CDH13: variants seen among roughly 807,000 people sequenced by gnomAD.
CDH13 encodes cadherin 13, also known as cadherin-13.
Under a neutral mutation model 63.8 loss-of-function variants are expected in CDH13, and 24 were observed. The observed-to-expected ratio is 0.38, with a 90% CI of 0.27 to 0.53. CDH13 has a LOEUF of 0.53. Among genes scored for constraint, CDH13 ranks in the 20% least tolerant of loss-of-function variants. The probability of loss-of-function intolerance (pLI) is 0.85; values close to 1 mark genes in which losing one functional copy is unlikely to be tolerated. For synonymous variants in CDH13, 503 were observed against 355.3 expected (o/e 1.42, Z -4.67); for missense variants, 1,049 against 903.1 (o/e 1.16, Z -2.07).
intron 4 of CDH13, among the ~76,000 whole-genome samples, chr16:83,157,613 G>A (rs557353977): frequency 1.1e-4 from 16 of 152,112 alleles, no homozygotes; most frequent in East Asian, 1.9e-4. Context: ...AAATATGTCC[G>A]GCCGGGCGCG....
intron 5 of CDH13, among the ~76,000 whole-genome samples, chr16:83,268,142 A>G (rs144618319): frequency 1.5e-3 from 221 of 152,248 alleles, no homozygotes; most frequent in African/African-American, 5.0e-3. Flanking sequence ...ACCAGAGTAA[A>G]CCCCTGATCA....
At chr16:83,506,331 A>G (rs2074393808) in intron 7 of CDH13, among the ~76,000 whole-genome samples, 1 of 152,154 alleles carries the variant, frequency 6.6e-6, no homozygotes, top group Non-Finnish European at 1.5e-5. Context: ...ATTGGTGGGA[A>G]TCCAGTTCTG....
chr16:83,468,980 G>A (rs1004647640), intron 6 of CDH13, among the ~76,000 whole-genome samples: 11 of 152,164 alleles, frequency 7.2e-5, no homozygotes, highest in African/African-American at 2.7e-4. Flanking sequence ...CATTGCTAAA[G>A]CGAGTTGTAT....
chr16:83,765,708 T>C (rs181899684), intron 11 of CDH13, among the ~76,000 whole-genome samples: 2 of 152,122 alleles, frequency 1.3e-5, no homozygotes, highest in Admixed American at 1.3e-4. Context: ...TGAAAAACCA[T>C]ATTAAAGAGA....
At chr16:83,273,985 C>A (rs1219021550) in intron 5 of CDH13, among the ~76,000 whole-genome samples, 1 of 152,162 alleles carries the variant, frequency 6.6e-6, no homozygotes, top group East Asian at 1.9e-4. Flanking sequence ...TTGCCTCTGA[C>A]CACATTGCTT....
At chr16:83,494,662 A>G (rs998786003) in intron 7 of CDH13, among the ~76,000 whole-genome samples, 1 of 152,190 alleles carries the variant, frequency 6.6e-6, no homozygotes, top group Non-Finnish European at 1.5e-5. Flanking sequence ...CTGCAATATG[A>G]TTCCACTGGA....
At chr16:83,788,812 C>T (rs1267105316) in intron 13 of CDH13, among the ~76,000 whole-genome samples, 1 of 152,160 alleles carries the variant, frequency 6.6e-6, no homozygotes, top group African/African-American at 2.4e-5. Context: ...GTAGGGGCAC[C>T]TGTGTGTAAA....
At chr16:82,887,907 A>T (rs185060223) in intron 2 of CDH13, among the ~76,000 whole-genome samples, 41 of 152,256 alleles carry the variant, frequency 2.7e-4, no homozygotes, top group Admixed American at 5.2e-4. Flanking sequence ...CAAGGTTAAG[A>T]ACGTGTTGAA....
intron 1 of CDH13, among the ~76,000 whole-genome samples, chr16:82,640,804 C>T (rs1475638942): frequency 1.3e-5 from 2 of 152,200 alleles, no homozygotes; most frequent in Admixed American, 6.5e-5. Context: ...TAATAGTCAA[C>T]TATGGAACAT....
chr16:82,735,086 C>G (rs560068990), intron 1 of CDH13, among the ~76,000 whole-genome samples: 1 of 152,246 alleles, frequency 6.6e-6, no homozygotes, highest in South Asian at 2.1e-4. Context: ...GAAGGTAAAG[C>G]TTTCATATAT....
At chr16:83,470,122 C>A (rs921108956) in intron 6 of CDH13, among the ~76,000 whole-genome samples, 1 of 152,208 alleles carries the variant, frequency 6.6e-6, no homozygotes, top group South Asian at 2.1e-4. Flanking sequence ...CCTGCACACA[C>A]ATACACCTGT....
chr16:83,441,121 A>G (rs772653577), intron 6 of CDH13, among the ~76,000 whole-genome samples: 2 of 152,260 alleles, frequency 1.3e-5, no homozygotes, highest in African/African-American at 4.8e-5. Flanking sequence ...AATGTTTTGA[A>G]TAAGAAAATA....
chr16:83,485,627 G>A (rs940664524), intron 6 of CDH13, among the ~76,000 whole-genome samples: 5 of 151,982 alleles, frequency 3.3e-5, no homozygotes, highest in Admixed American at 3.3e-4. Flanking sequence ...CTCTTCTTAC[G>A]GGTCCTCATC....
chr16:83,360,091 C>T (rs1407563849), intron 6 of CDH13, among the ~76,000 whole-genome samples: 1 of 152,200 alleles, frequency 6.6e-6, no homozygotes, highest in Non-Finnish European at 1.5e-5. Flanking sequence ...CATCCATGTT[C>T]TGTGTAGCAG....
intron 3 of CDH13, among the ~76,000 whole-genome samples, chr16:83,088,154 G>T (rs542030695): frequency 9.9e-5 from 15 of 152,274 alleles, no homozygotes; most frequent in African/African-American, 3.6e-4. Context: ...TCACCTTTTG[G>T]CTCACGACAA....
chr16:82,794,534 G>T (rs2036486904), intron 1 of CDH13, among the ~76,000 whole-genome samples: 1 of 151,726 alleles, frequency 6.6e-6, no homozygotes, highest in Admixed American at 6.6e-5. Flanking sequence ...TAAAAGAGCG[G>T]TTTAATAGTT....
At chr16:83,683,651 G>T (rs1478078396) in intron 10 of CDH13, among the ~76,000 whole-genome samples, 1 of 152,082 alleles carries the variant, frequency 6.6e-6, no homozygotes, top group Non-Finnish European at 1.5e-5. Context: ...GTTTACACTT[G>T]TTTGCAGTTT....
chr16:83,674,459 G>A (rs149277876), intron 9 of CDH13, among the ~76,000 whole-genome samples: 4,007 of 152,228 alleles, frequency 0.026, 84 homozygotes, highest in Non-Finnish European at 0.033. Flanking sequence ...CTTTCTAAGG[G>A]TCCCCCGGCC....
intron 6 of CDH13, among the ~76,000 whole-genome samples, chr16:83,400,245 T>C (rs1218290923): frequency 6.6e-6 from 1 of 152,166 alleles, no homozygotes; most frequent in Non-Finnish European, 1.5e-5. Flanking sequence ...GAAATGTCTA[T>C]GTGGCTGCCC....
Sources: gnomAD v4.1 joint callset for allele counts (sites outside exome capture counted in the v4.1 genomes callset) on GRCh38, gnomAD v4.1.1 for gene constraint, MANE v1.5 for transcripts, NCBI Gene and HGNC (gene_info 2026-07-23, HGNC 2026-07-21) for gene names.